Variants in RRH observed in about 807,000 individuals in gnomAD.
The protein encoded by RRH is visual pigment-like receptor peropsin.
Under a neutral mutation model 33.1 loss-of-function variants are expected in RRH, and 36 were observed. That is an observed-to-expected ratio of 1.09 (90% confidence interval 0.83 to 1.44). RRH has a LOEUF of 1.44. Ranked by LOEUF, RRH falls within the 40% of genes most tolerant of loss-of-function variation. RRH has a pLI of 0.00. For missense variants in RRH, 393 were observed against 420.2 expected, an observed-to-expected ratio of 0.94 and a Z score of 0.57; for synonymous variants, 124 against 140.2, an observed-to-expected ratio of 0.88 and a Z score of 0.82.
intron 6 of RRH, 76 bp downstream of exon 6, chr4:109,842,723 A>G: frequency 7.4e-7 from 1 of 1,348,304 alleles, no homozygotes; most frequent in Non-Finnish European, 1.1e-6. Context: ...TTGGGAGAGA[A>G]GTGACAGAAA....
Position 109,844,652 on chromosome 4 carries a change from CTTATG to C in RRH, c.*460_*464del, listed in dbSNP as rs1734048046. The stretch of plus-strand genomic sequence containing the variant: ...ACATTTTAACATTTAAATCAATTAA[CTTATG>C]TTATTAAACAAAAATAAATGAACAT... On this transcript the variant is annotated 3_prime_UTR_variant, in exon 7 of 7. Transcript: ENST00000317735. 6.4e-6 allele frequency: 1 copy of C among 156,852 alleles called. No homozygotes were observed. 9.7% of individuals were successfully genotyped at this position (156,852 alleles called of 1,614,324 possible).
At chr4:109,837,384 C>T in intron 4 of RRH, 53 bp from the exon 5 acceptor site, 2 of 1,426,454 alleles carry the variant, frequency 1.4e-6, no homozygotes, top group Non-Finnish European at 2.0e-6. Context: ...CTTTCTCCTT[C>T]CCCCACTTAG....
chr4:109,831,855 T>C (rs1216385215), intron 1 of RRH, among the ~76,000 whole-genome samples: 1 of 152,082 alleles, frequency 6.6e-6, no homozygotes, highest in Non-Finnish European at 1.5e-5. Flanking sequence ...GTTAAGTCTA[T>C]GTTATAGCAA....
At chr4:109,830,955 A>G (rs1186327273) in intron 1 of RRH, among the ~76,000 whole-genome samples, 1 of 152,208 alleles carries the variant, frequency 6.6e-6, no homozygotes, top group Non-Finnish European at 1.5e-5. Flanking sequence ...ACTGACTGTG[A>G]AATGGGACTT....
chr4:109,842,585 T>G lies in RRH; in HGVS notation c.837T>G (p.Ala279=). Residue 279 remains alanine (A), a synonymous_variant, in exon 6 of 7, where the codon GCT becomes GCG. Transcript: ENST00000317735. ...KKIPPPMAII[A]PLFAKSSTFY... is the part of the protein sequence containing the mutation. ...TTCCTCCCCCCATGGCCATCATAGCTCCACTGTTTGCAAAATCTTCTACAT... is the reference window on the plus strand; with the variant it reads ...TTCCTCCCCCCATGGCCATCATAGCGCCACTGTTTGCAAAATCTTCTACAT... 6.2e-7 allele frequency: 1 copy of G among 1,614,100 alleles called. No individual in the cohort carries two copies. The highest frequency in any genetic ancestry group is 8.5e-7 in the Non-Finnish European group (1 of 1,179,980).
intron 5 of RRH, 26 bp downstream of exon 5, chr4:109,837,631 T>G (rs72892609): frequency 6.3e-7 from 1 of 1,599,676 alleles, no homozygotes; most frequent in Non-Finnish European, 8.5e-7. Context: ...CCTTGAAAAA[T>G]TGTTGTCATG....
chr4:109,828,080 C>T lies in RRH; in HGVS notation c.53C>T (p.Ser18Leu), dbSNP rs79956056. 5.9e-4 allele frequency: 950 copies of T among 1,612,772 alleles called. 2 individuals are homozygous for T. In the African/African-American group the frequency reaches 0.011, roughly 18 times the overall value. Reference sequence around the variant, plus strand: ...TCAGACTCTAAAAATGAAGATGGCTCGGTCTTTTCACAGACTGAACACAAT... The same window carrying T: ...TCAGACTCTAAAAATGAAGATGGCTTGGTCTTTTCACAGACTGAACACAAT... ...NSSDSKNEDG[S>L]VFSQTEHNIV... Residue 18 changes from serine (S) to leucine (L), a missense_variant, in exon 1 of 7, where the codon TCG becomes TTG. Transcript: ENST00000317735.
intron 1 of RRH, among the ~76,000 whole-genome samples, chr4:109,832,475 A>G (rs939640625): frequency 7.4e-6 from 1 of 135,570 alleles, no homozygotes; most frequent in East Asian, 2.3e-4. Context: ...GTCTTGTAGT[A>G]TGCATTCTTC....
intron 5 of RRH, among the ~76,000 whole-genome samples, chr4:109,840,621 A>G (rs1733966750): frequency 6.6e-6 from 1 of 151,778 alleles, no homozygotes; most frequent in Non-Finnish European, 1.5e-5. Flanking sequence ...CAGCTATTTT[A>G]TACTCTATTC....
chr4:109,833,825 T>C (rs1733815808), intron 2 of RRH, among the ~76,000 whole-genome samples: 1 of 127,000 alleles, frequency 7.9e-6, no homozygotes, highest in Admixed American at 7.6e-5. Flanking sequence ...AGTAAGCAAA[T>C]ATTACTTTTA....
intron 5 of RRH, among the ~76,000 whole-genome samples, chr4:109,840,168 T>C (rs1409866533): frequency 6.6e-6 from 1 of 152,166 alleles, no homozygotes; most frequent in Non-Finnish European, 1.5e-5. Context: ...TTCTGACTGG[T>C]ATGAGATTGT....
At chr4:109,836,253 T>A in intron 4 of RRH, 93 bp downstream of exon 4, 1 of 1,380,500 alleles carries the variant, frequency 7.2e-7, no homozygotes, top group South Asian at 1.2e-5. Flanking sequence ...GTGTTCCTCA[T>A]ACAGAAGGTG....
At position 109,835,386 on chromosome 4, in the gene RRH, T is replaced by A. The variant is rs1733857739; in HGVS notation, c.318T>A (p.Ile106=). The A allele has an allele frequency of 6.2e-7, 1 of 1,613,834 alleles. No homozygotes were observed. The highest frequency in any genetic ancestry group is 1.3e-5 in the African/African-American group (1 of 74,900). The change falls in exon 3 of 7, where the codon ATT becomes ATA. Residue 106 remains isoleucine (I), a synonymous_variant. Coordinates refer to ENST00000317735, the MANE Select transcript of RRH (RefSeq NM_006583.5). The part of the protein sequence containing the change: ...AGCQVYAGLN[I]FFGMASIGLL... ...TTCAGGTTTATGCTGGATTGAATAT[T>A]TTTTTTGGAATGGCAAGCATTGGAT...
intron 1 of RRH, 57 bp from the exon 2 acceptor site, chr4:109,833,082 C>A: frequency 7.3e-7 from 1 of 1,378,622 alleles, no homozygotes; most frequent in Non-Finnish European, 1.0e-6. Context: ...AATTTTGAGT[C>A]TACTTTGAAA....
intron 6 of RRH, among the ~76,000 whole-genome samples, chr4:109,843,700 A>G (rs1339913850): frequency 6.6e-6 from 1 of 152,246 alleles, no homozygotes; most frequent in South Asian, 2.1e-4. Flanking sequence ...GATGAAATAC[A>G]CATTGTTAGT....
At chr4:109,842,257 A>G (rs7438763) in intron 5 of RRH, among the ~76,000 whole-genome samples, 70,553 of 151,870 alleles carry the variant, frequency 0.46, 19,765 homozygotes, top group Non-Finnish European at 0.63. Flanking sequence ...TTCTTGATAT[A>G]CCCATTTCAC....
At chr4:109,841,434 A>T (rs1277680935) in intron 5 of RRH, among the ~76,000 whole-genome samples, 1 of 151,782 alleles carries the variant, frequency 6.6e-6, no homozygotes, top group Non-Finnish European at 1.5e-5. Context: ...TTTTCTTTAT[A>T]CTGAGCCTCT....
In RRH at chr4:109,842,520, A is replaced by G. The variant is rs746293017; in HGVS notation, c.772A>G (p.Ile258Val). ...TCTGGTGGCATGGTCCCCTTATTCC[A>G]TCGTGTGCTTATGGGCTTCTTTTGG... ...MFLVAWSPYS[I>V]VCLWASFGDP... Residue 258 changes from isoleucine to valine, a missense_variant, in exon 6 of 7, where the codon ATC (isoleucine) becomes GTC (valine). By Grantham distance (29) the Ile-to-Val change is conservative. Coordinates refer to ENST00000317735, the MANE Select transcript of RRH (RefSeq NM_006583.5). The G allele has an allele frequency of 2.5e-5, 41 of 1,613,888 alleles. No homozygotes were observed. The East Asian group carries it at 6.0e-4, about 24-fold the overall frequency.
chr4:109,833,426 G>A (rs1434008007), intron 2 of RRH, 97 bp downstream of exon 2: 2 of 945,676 alleles, frequency 2.1e-6, no homozygotes, highest in African/African-American at 3.3e-5. Flanking sequence ...ATTGAATATT[G>A]TAGAATAATA....
Sources: gnomAD v4.1 joint callset for allele counts (sites outside exome capture counted in the v4.1 genomes callset) on GRCh38, gnomAD v4.1.1 for gene constraint, MANE v1.5 for transcripts, NCBI Gene and HGNC (gene_info 2026-07-23, HGNC 2026-07-21) for gene names.